Variants in ASPH observed in about 807,000 individuals in gnomAD.
The protein encoded by ASPH is aspartate beta-hydroxylase, also known as aspartyl/asparaginyl beta-hydroxylase.
Under a neutral mutation model 118.4 loss-of-function variants are expected in ASPH, and 100 were observed. That is an observed-to-expected ratio of 0.84 (90% CI 0.72 to 1.00). The LOEUF (loss-of-function observed/expected upper bound fraction) is 1.00. Ranked by LOEUF, ASPH falls within the 50% of genes least tolerant of loss-of-function variation. The probability of loss-of-function intolerance (pLI) is 0.00; values close to 1 mark genes in which losing one functional copy is unlikely to be tolerated. For synonymous variants in ASPH, 315 were observed against 325.6 expected (o/e 0.97, Z 0.35); for missense variants, 920 against 919.5 (o/e 1.00, Z -0.01).
chr8:61,560,488 T>C (rs186519033), intron 18 of ASPH, among the ~76,000 whole-genome samples: 3 of 152,182 alleles, frequency 2.0e-5, no homozygotes, highest in Admixed American at 2.0e-4. Context: ...AACATAAACA[T>C]ATCAAGAAAA....
At position 61,601,309 on chromosome 8, in the gene ASPH, G is replaced by A. The variant is rs191214164; in HGVS notation, c.977-17280C>T. 2.0e-5 allele frequency among the ~76,000 whole-genome samples: 3 copies of A among 151,372 alleles called. No homozygotes were observed. In the East Asian group the frequency reaches 5.8e-4, roughly 29 times the overall value. On this transcript the variant is annotated intron_variant, in intron 14 of 24. Transcript: ENST00000379454. ...TACACACCTTTGTAAGTGGGAGGCT[G>A]AGGCAGGTGGATCACGAGGTCAGGA...
intron 6 of ASPH, among the ~76,000 whole-genome samples, chr8:61,646,426 A>T (rs548889982): frequency 1.2e-4 from 18 of 152,218 alleles, no homozygotes; most frequent in Non-Finnish European, 2.5e-4. Context: ...TAGATTATCA[A>T]GTCCAATATT....
At chr8:61,573,220 A>C (rs925480508) in intron 16 of ASPH, among the ~76,000 whole-genome samples, 3 of 152,228 alleles carry the variant, frequency 2.0e-5, no homozygotes, top group African/African-American at 7.2e-5. Context: ...AGAGGACACA[A>C]ACAAATGGAA....
chr8:61,700,437 A>G (rs964874081), intron 1 of ASPH, among the ~76,000 whole-genome samples: 1 of 152,248 alleles, frequency 6.6e-6, no homozygotes, highest in Non-Finnish European at 1.5e-5. Flanking sequence ...TGAGATGTTA[A>G]GTTCTGTCCC....
chr8:61,525,451 C>T (rs1814955640), intron 22 of ASPH, among the ~76,000 whole-genome samples: 1 of 152,066 alleles, frequency 6.6e-6, no homozygotes, highest in South Asian at 2.1e-4. Flanking sequence ...GAGCCACTTC[C>T]TATTCCTGAA....
At chr8:61,589,419 T>A (rs1031054311) in intron 14 of ASPH, among the ~76,000 whole-genome samples, 12 of 152,152 alleles carry the variant, frequency 7.9e-5, no homozygotes, top group Non-Finnish European at 1.5e-4. Context: ...TCTCCAAAAA[T>A]CTTTTGGGAG....
At chr8:61,563,726 C>T (rs1436391395) in intron 17 of ASPH, among the ~76,000 whole-genome samples, 2 of 152,228 alleles carry the variant, frequency 1.3e-5, no homozygotes, top group Non-Finnish European at 1.5e-5. Flanking sequence ...GTCATTTCCT[C>T]ACTAACAAAT....
At chr8:61,688,309 T>C (rs1441102142) in intron 1 of ASPH, among the ~76,000 whole-genome samples, 3 of 152,198 alleles carry the variant, frequency 2.0e-5, no homozygotes, top group African/African-American at 7.2e-5. Flanking sequence ...GCAAGAACGA[T>C]GCGATTCATT....
At chr8:61,659,495 C>G (rs17205360) in intron 3 of ASPH, 67,645 of 151,996 alleles carry the variant, frequency 0.45, 15,712 homozygotes, top group East Asian at 0.52. Context: ...TAAATAGATA[C>G]ACAAAGTGAA....
intron 14 of ASPH, among the ~76,000 whole-genome samples, chr8:61,588,280 C>T (rs2132783055): frequency 6.6e-6 from 1 of 152,186 alleles, no homozygotes; most frequent in South Asian, 2.1e-4. Context: ...ACTTCCCTTG[C>T]CAGGCTGTGG....
chr8:61,677,953 C>T (rs1826173580), intron 3 of ASPH, among the ~76,000 whole-genome samples: 1 of 152,110 alleles, frequency 6.6e-6, no homozygotes, highest in Non-Finnish European at 1.5e-5. Flanking sequence ...CTGTGGTTCT[C>T]AAGACAAAAG....
intron 3 of ASPH, 120 bp downstream of exon 3, chr8:61,680,848 G>C (rs1827702893): frequency 1.4e-6 from 1 of 712,656 alleles, no homozygotes; most frequent in Admixed American, 3.4e-5. Context: ...TGAAATATAT[G>C]ATTTAAGGGA....
intron 14 of ASPH, among the ~76,000 whole-genome samples, chr8:61,599,421 T>C (rs1411604372): frequency 6.6e-6 from 1 of 151,276 alleles, no homozygotes; most frequent in Non-Finnish European, 1.5e-5. Flanking sequence ...TATACATATG[T>C]AACAAACCTG....
At chr8:61,580,193 C>A (rs1837040225) in intron 15 of ASPH, among the ~76,000 whole-genome samples, 1 of 152,152 alleles carries the variant, frequency 6.6e-6, no homozygotes, top group Non-Finnish European at 1.5e-5. Flanking sequence ...ACAGTACAAG[C>A]TGTTGGTGGA....
In ASPH at chr8:61,514,855, C is replaced by T. The variant is rs555425350; in HGVS notation, c.2126+2673G>A. ...TTCTGGGATTATAGGCATGAACCAC[C>T]TTGCCTGGTCCTAAGTGGATTTTTC... On this transcript the variant is annotated intron_variant, in intron 24 of 24. Coordinates refer to ENST00000379454, the MANE Select transcript of ASPH (RefSeq NM_004318.4). 2.0e-5 allele frequency among the ~76,000 whole-genome samples: 3 copies of T among 152,168 alleles called. No homozygotes were observed. The South Asian group carries it at 6.2e-4, about 32-fold the overall frequency.
At chr8:61,683,558 C>T in intron 2 of ASPH, 1 of 153,370 alleles carries the variant, frequency 6.5e-6, no homozygotes, top group Non-Finnish European at 1.5e-5. Context: ...CCATCCAGTA[C>T]CTATATGTGT....
At chr8:61,522,296 CA>C (rs2129621218) in intron 22 of ASPH, among the ~76,000 whole-genome samples, 1 of 152,228 alleles carries the variant, frequency 6.6e-6, no homozygotes, top group South Asian at 2.1e-4. Flanking sequence ...AAGCAAATAC[CA>C]CAGACTGAGT....
chr8:61,527,788 C>T (rs146352604), intron 21 of ASPH, among the ~76,000 whole-genome samples: 2 of 152,162 alleles, frequency 1.3e-5, no homozygotes, highest in South Asian at 2.1e-4. Context: ...AGCCCCAGAT[C>T]ACCAGTCTCT....
chr8:61,677,601 T>C (rs1173590109), intron 3 of ASPH, among the ~76,000 whole-genome samples: 1 of 152,228 alleles, frequency 6.6e-6, no homozygotes, highest in Non-Finnish European at 1.5e-5. Context: ...TCATTGTTCA[T>C]GTTTTTGGTA....
Sources: allele counts gnomAD v4.1 joint callset (sites outside exome capture counted in the v4.1 genomes callset), GRCh38; gene constraint gnomAD v4.1.1; transcripts MANE v1.5; gene names NCBI Gene and HGNC (gene_info 2026-07-23, HGNC 2026-07-21).